Variants in TTC31 observed in about 807,000 individuals in gnomAD.
TTC31 encodes tetratricopeptide repeat domain 31.
TTC31 carries 59 observed loss-of-function variants against 60.4 expected under a neutral mutation model. The ratio of observed to expected loss-of-function variants is 0.98; its 90% CI spans 0.79 to 1.21. The LOEUF (loss-of-function observed/expected upper bound fraction) is 1.21, where lower values mean the gene tolerates loss of function less well. Ranked by LOEUF, TTC31 falls within the 50% of genes most tolerant of loss-of-function variation. TTC31 has a pLI of 0.00. For missense variants in TTC31, 672 were observed against 646.9 expected, an observed-to-expected ratio of 1.04 and a Z score of -0.42; for synonymous variants, 225 against 249.6, an observed-to-expected ratio of 0.90 and a Z score of 0.93.
rs1345658758 is a variant in TTC31, at chr2:74,490,394, C to T, written c.383C>T (p.Ser128Phe). The stretch of plus-strand genomic sequence containing the variant: ...TCTGAGCCCTGCCCTCAAAGCCCCT[C>T]TGCCTCTGCCACCTTCCCCAGTGTC... ...QESEPCPQSP[S>F]ASATFPSVSD... Residue 128 changes from serine (S) to phenylalanine (F), a missense_variant, in exon 4 of 13, where the codon TCT (serine) becomes TTT (phenylalanine). By Grantham distance (155) the Ser-to-Phe change is radical. Coordinates refer to ENST00000233623, the MANE Select transcript of TTC31 (RefSeq NM_022492.6). 6.2e-7 allele frequency: 1 copy of T among 1,614,116 alleles called. No individual in the cohort carries two copies. The highest frequency in any genetic ancestry group is 2.2e-5 in the East Asian group (1 of 44,876).
intron 2 of TTC31, chr2:74,483,679 C>A: frequency 8.0e-7 from 1 of 1,253,852 alleles, no homozygotes; most frequent in South Asian, 1.6e-5. Context: ...GTACGAGTTC[C>A]TTGGGAAAAG....
intron 2 of TTC31, among the ~76,000 whole-genome samples, chr2:74,485,002 TTTAG>T (rs963756809): frequency 2.0e-5 from 3 of 151,888 alleles, no homozygotes; most frequent in Admixed American, 6.6e-5. Context: ...ACCTCAAACA[TTTAG>T]TTAGTCACTA....
At position 74,490,296 on chromosome 2, in the gene TTC31, C is replaced by G. The variant is rs1174257850; in HGVS notation, c.285C>G (p.Asp95Glu). The G allele has an allele frequency of 6.2e-7, 1 of 1,614,152 alleles. No individual in the cohort carries two copies. The change falls in exon 4 of 13, where the codon GAC (aspartate) becomes GAG (glutamate). Residue 95 changes from aspartate to glutamate, a missense_variant. By Grantham distance (45) the Asp-to-Glu change is conservative. Coordinates refer to ENST00000233623, the MANE Select transcript of TTC31 (RefSeq NM_022492.6). ...AAGGGAAATCAACTGGACAGAGTGA[C>G]AGGGGCAAGGGGGCTGAGGGACTGG... is the stretch of plus-strand genomic sequence containing the variant. ...DDEGKSTGQS[D>E]RGKGAEGLGT...
At chr2:74,491,796 G>A in intron 8 of TTC31, 124 bp downstream of exon 8, 1 of 1,408,374 alleles carries the variant, frequency 7.1e-7, no homozygotes, top group Non-Finnish European at 9.8e-7. Context: ...CTAGGGTCAA[G>A]AGACCTACAG....
intron 8 of TTC31, 133 bp from the exon 9 acceptor site, chr2:74,491,871 C>A: frequency 6.7e-7 from 1 of 1,485,380 alleles, no homozygotes; most frequent in Non-Finnish European, 9.2e-7. Flanking sequence ...GGGCTGATAC[C>A]ATCTTGTAGG....
At chr2:74,488,909 C>T (rs915422342) in intron 2 of TTC31, among the ~76,000 whole-genome samples, 4 of 152,136 alleles carry the variant, frequency 2.6e-5, no homozygotes, top group Admixed American at 1.3e-4. Context: ...ACTAAAAATA[C>T]AAATGGTATT....
rs1674179604 is a variant in TTC31 at position 74,493,537 on chromosome 2, T to G, written c.*319T>G. 3.9e-6 allele frequency: 1 copy of G among 258,868 alleles called. No homozygotes were observed. The highest frequency in any genetic ancestry group is 2.2e-5 in the African/African-American group (1 of 44,704). The allele number at this position is 258,868 out of a possible 1,614,324, so 16.0% of individuals were successfully genotyped here. The stretch of plus-strand genomic sequence containing the variant: ...GAGACAGTGAGAAAGCATCTGGGCC[T>G]TTCTCTTCCTCTTGGTCCAGGGGAC... On this transcript the variant is annotated 3_prime_UTR_variant, in exon 13 of 13. Coordinates refer to ENST00000233623, the MANE Select transcript of TTC31 (RefSeq NM_022492.6).
At chr2:74,485,575 A>G (rs1673009699) in intron 2 of TTC31, among the ~76,000 whole-genome samples, 1 of 146,918 alleles carries the variant, frequency 6.8e-6, no homozygotes, top group African/African-American at 2.5e-5. Flanking sequence ...GGTTCAAGTG[A>G]TTCTCCTGCC....
chr2:74,483,650 G>T, intron 2 of TTC31: 1 of 1,356,916 alleles, frequency 7.4e-7, no homozygotes, highest in Non-Finnish European at 9.5e-7. Context: ...GGGTCTCTGA[G>T]TTGAGGATTA....
rs1294666454 is a variant in TTC31 at position 74,483,101 on chromosome 2, G to A, written c.6G>A (p.Ala2=). Residue 2 remains alanine (A), a synonymous_variant, in exon 1 of 13, where the codon GCG becomes GCA. Coordinates refer to ENST00000233623, the MANE Select transcript of TTC31 (RefSeq NM_022492.6). M[A]PIPKTVGRIK... is the part of the protein sequence containing the mutation. ...TCCGGGTCACTGTAGATGCGATGGC[G>A]CCGATTCCAAAGACTGTGGGGCGGA... The A allele has an allele frequency of 1.9e-6, 3 of 1,614,074 alleles. No homozygotes were observed. Among genetic ancestry groups the A allele is most frequent in the Admixed American group, 1.7e-5 (1 of 60,008 alleles).
rs766251099 is a variant in TTC31, at chr2:74,490,469, A to C, written c.458A>C (p.Glu153Ala). ...VAMPQKLLVT[E>A]EEANRLAEEL... is the part of the protein sequence containing the mutation. The stretch of plus-strand genomic sequence containing the variant: ...ATGCCCCAGAAGCTCCTGGTGACAG[A>C]AGAGGTGAGATTCTCAGGAGAGGGC... The change falls in exon 4 of 13, where the codon GAA becomes GCA. Residue 153 changes from glutamate to alanine, a missense_variant. Transcript: ENST00000233623. 1.9e-6 allele frequency: 3 copies of C among 1,605,872 alleles called. No individual in the cohort carries two copies. The highest frequency in any genetic ancestry group is 2.7e-5 in the African/African-American group (2 of 74,684).
intron 8 of TTC31, 137 bp downstream of exon 8, chr2:74,491,809 A>C: frequency 7.3e-7 from 1 of 1,376,214 alleles, no homozygotes; most frequent in Non-Finnish European, 1.0e-6. Context: ...ACCTACAGTC[A>C]GGCCCCATCA....
At position 74,490,729 on chromosome 2, in the gene TTC31, T is replaced by G; in HGVS notation, c.536T>G (p.Leu179Arg). Residue 179 changes from leucine to arginine, a missense_variant, in exon 5 of 13, where the codon CTC becomes CGC. Coordinates refer to ENST00000233623, the MANE Select transcript of TTC31 (RefSeq NM_022492.6). Reference protein sequence around the residue: ...RMKQKAEKKRLKKKRQKERKR... With the variant: ...RMKQKAEKKRRKKKRQKERKR... ...AAACAGAAAGCAGAGAAAAAGCGAC[T>G]CAAGAAGAAGGTGGCTAGAGCATGG... 1 of 1,612,956 alleles carries G rather than the reference T, an allele frequency of 6.2e-7. No individual in the cohort carries two copies. Among genetic ancestry groups the G allele is most frequent in the Non-Finnish European group, 8.5e-7 (1 of 1,179,550 alleles).
At chr2:74,485,775 T>G (rs1049987298) in intron 2 of TTC31, among the ~76,000 whole-genome samples, 2 of 151,836 alleles carry the variant, frequency 1.3e-5, no homozygotes, top group African/African-American at 4.8e-5. Flanking sequence ...TGGCCCAATT[T>G]TGTATTTTTG....
At chr2:74,488,763 GAAAC>G (rs757936206) in intron 2 of TTC31, among the ~76,000 whole-genome samples, 2 of 152,106 alleles carry the variant, frequency 1.3e-5, no homozygotes, top group African/African-American at 2.4e-5. Flanking sequence ...CCCTGTCTCA[GAAAC>G]AAACAAAAAA....
intron 2 of TTC31, among the ~76,000 whole-genome samples, chr2:74,488,244 G>GT (rs1327285734): frequency 6.6e-6 from 1 of 152,220 alleles, no homozygotes; most frequent in Non-Finnish European, 1.5e-5. Flanking sequence ...TGGAGATGCT[G>GT]TTAAGCCAGG....
At position 74,493,273 on chromosome 2, in the gene TTC31, C is replaced by A; in HGVS notation, c.*55C>A. On this transcript the variant is annotated 3_prime_UTR_variant, in exon 13 of 13. Transcript: ENST00000233623. ...CATGTATATATCCCTTGGTGGGGGA[C>A]ATAGTGTGGTGACAGTTCACTGCAT... is the stretch of plus-strand genomic sequence containing the variant. 1 of 1,551,756 alleles carries A rather than the reference C, an allele frequency of 6.4e-7. No homozygotes were observed. The highest frequency in any genetic ancestry group is 8.8e-7 in the Non-Finnish European group (1 of 1,132,228).
chr2:74,493,181 T>G lies in TTC31; in HGVS notation c.1523T>G (p.Leu508Arg). Residue 508 changes from leucine (L) to arginine (R), a missense_variant, in exon 13 of 13, where the codon CTG becomes CGG. Physicochemically the swap from Leu to Arg is moderately radical, Grantham distance 102. Coordinates refer to ENST00000233623, the MANE Select transcript of TTC31 (RefSeq NM_022492.6). ...GACCCTTCAAAGGGCTGGGACATCC[T>G]GGGACTTGGGCTCCAGCATCTGTCT... ...PQDPSKGWDI[L>R]GLGLQHLSQA... 1 of 1,614,048 alleles carries G rather than the reference T, an allele frequency of 6.2e-7. No individual in the cohort carries two copies. Among genetic ancestry groups the G allele is most frequent in the Admixed American group, 1.7e-5 (1 of 60,004 alleles).
chr2:74,492,934 G>T lies in TTC31; in HGVS notation c.1276G>T (p.Gly426Ter). The T allele has an allele frequency of 1.2e-6, 2 of 1,606,530 alleles. No homozygotes were observed. Among genetic ancestry groups the T allele is most frequent in the South Asian group, 1.1e-5 (1 of 90,704 alleles). Residue 426 changes from glycine (G) to a stop codon, truncating the protein, a stop_gained, in exon 13 of 13, where the codon GGA becomes TGA. Transcript: ENST00000233623. LOFTEE classifies it low-confidence loss of function (END_TRUNC). ...TCTCCCTTCTCAGCAGGGTCAGCGA[G>T]GAGGAATCTGTGCACCACCTCTGTC... ...LLHLTLQGQR[G>*]GICAPPLSPG... is the part of the protein sequence containing the mutation.
Sources: gnomAD v4.1 joint callset for allele counts (sites outside exome capture counted in the v4.1 genomes callset) on GRCh38, gnomAD v4.1.1 for gene constraint, MANE v1.5 for transcripts, NCBI Gene and HGNC (gene_info 2026-07-23, HGNC 2026-07-21) for gene names.